Variants in ARSF observed in about 807,000 individuals in gnomAD.
ARSF encodes the protein arylsulfatase F.
A neutral mutation model predicts 35.4 loss-of-function variants in ARSF; 33 were observed. The ratio of observed to expected loss-of-function variants is 0.93; its 90% CI spans 0.71 to 1.25. The LOEUF (loss-of-function observed/expected upper bound fraction) is 1.25. Among genes scored for constraint, ARSF ranks in the 50% most tolerant of loss-of-function variants. The pLI, the probability that ARSF is intolerant of heterozygous loss-of-function variation, is 0.00. For missense variants in ARSF, 501 were observed against 480.2 expected (o/e 1.04, Z -0.40); for synonymous variants, 222 against 193.1 (o/e 1.15, Z -1.24).
At position 3,088,444 on chromosome X, in the gene ARSF, G is replaced by C. The variant is rs1268067835; in HGVS notation, c.831-1052G>C. 8.1e-5 allele frequency among the ~76,000 whole-genome samples: 9 copies of C among 111,767 alleles called. No individual in the cohort carries two copies. In the Admixed American group the frequency reaches 8.6e-4, roughly 11 times the overall value. Reference sequence around the variant, plus strand: ...TGTGATGGTGTCACAGGACTACCAGGTTCATATGCCTGCTGCACAGTAACA... The same window carrying C: ...TGTGATGGTGTCACAGGACTACCAGCTTCATATGCCTGCTGCACAGTAACA... On this transcript the variant is annotated intron_variant, in intron 6 of 10. Coordinates refer to ENST00000381127, the MANE Select transcript of ARSF (RefSeq NM_001201539.2).
At chrX:3,065,700 ATCT>A (rs2090062648) in intron 1 of ARSF, among the ~76,000 whole-genome samples, 1 of 110,033 alleles carries the variant, frequency 9.1e-6, no homozygotes, top group Non-Finnish European at 1.9e-5. Flanking sequence ...ATAAGTTCAC[ATCT>A]TCTTAACATA....
intron 1 of ARSF, 52 bp from the exon 2 acceptor site, chrX:3,068,021 T>A: frequency 2.8e-5 from 3 of 106,904 alleles, no homozygotes; most frequent in Non-Finnish European, 4.6e-5. Flanking sequence ...TGAATGATAC[T>A]TTTTTTTTTT....
At chrX:3,081,480 G>A (rs184821740) in intron 5 of ARSF, among the ~76,000 whole-genome samples, 167 of 110,701 alleles carry the variant, frequency 1.5e-3, no homozygotes, top group African/African-American at 4.7e-3. Context: ...GGGACTACAG[G>A]CGCGTGCCAC....
At chrX:3,088,554 T>A (rs1204551113) in intron 6 of ARSF, among the ~76,000 whole-genome samples, 1 of 74,124 alleles carries the variant, frequency 1.3e-5, no homozygotes, top group Non-Finnish European at 2.4e-5. Context: ...AGAGGAGACC[T>A]CAAATCCATC....
chrX:3,109,189 C>T (rs1252895145), intron 9 of ARSF, among the ~76,000 whole-genome samples: 1 of 110,685 alleles, frequency 9.0e-6, no homozygotes, highest in Non-Finnish European at 1.9e-5. Context: ...TGTGGCGGCA[C>T]ATGCTTGTAA....
At chrX:3,098,765 T>C (rs187822952) in intron 7 of ARSF, among the ~76,000 whole-genome samples, 51 of 111,676 alleles carry the variant, frequency 4.6e-4, no homozygotes, top group Non-Finnish European at 8.3e-4. Context: ...AACAATTTTT[T>C]TTAAATAGTC....
chrX:3,080,418 G>C (rs778052222), intron 4 of ARSF, among the ~76,000 whole-genome samples: 1 of 108,338 alleles, frequency 9.2e-6, no homozygotes, highest in African/African-American at 3.4e-5. Context: ...AGGTTGCAGT[G>C]AGCTGAGATG....
chrX:3,055,342 C>CAAAAAAAAAAAAAAAAA (rs770014108), intron 1 of ARSF, among the ~76,000 whole-genome samples: 11 of 32,436 alleles, frequency 3.4e-4, no homozygotes, highest in Non-Finnish European at 5.2e-4. Context: ...AACTCCATTT[C>CAAAAAAAAAAAAAAAAA]AAAAAAAAAA....
chrX:3,042,618 TC>T (rs1366411483), intron 1 of ARSF, among the ~76,000 whole-genome samples: 1 of 109,842 alleles, frequency 9.1e-6, no homozygotes, highest in African/African-American at 3.3e-5. Context: ...TGCCTCAGCC[TC>T]CCTTGTAGCT....
At chrX:3,095,608 T>C (rs964666856) in intron 7 of ARSF, among the ~76,000 whole-genome samples, 2 of 109,955 alleles carry the variant, frequency 1.8e-5, no homozygotes, top group African/African-American at 6.5e-5. Context: ...ACATTTAATG[T>C]TAAGTTTGTA....
chrX:3,087,926 G>A (rs937760574), intron 6 of ARSF, among the ~76,000 whole-genome samples: 7 of 112,187 alleles, frequency 6.2e-5, no homozygotes. Context: ...TCAAGTGAAC[G>A]TGAATTTTGA....
At chrX:3,065,945 A>T (rs2090064088) in intron 1 of ARSF, among the ~76,000 whole-genome samples, 2 of 110,809 alleles carry the variant, frequency 1.8e-5, no homozygotes, top group South Asian at 7.8e-4. Context: ...TACAAAAATT[A>T]TCCATGGACT....
At chrX:3,093,034 C>T (rs183633108) in intron 7 of ARSF, among the ~76,000 whole-genome samples, 2,681 of 107,328 alleles carry the variant, frequency 0.025, 28 homozygotes, top group African/African-American at 0.049. Context: ...TCCGTGGTGG[C>T]GGGCGTCTGT....
Position 3,063,560 on chromosome X carries a change from C to T in ARSF, c.-28-4513C>T, listed in dbSNP as rs184501069. On this transcript the variant is annotated intron_variant, in intron 1 of 10. Coordinates refer to ENST00000381127, the MANE Select transcript of ARSF (RefSeq NM_001201539.2). ...TGATTGTATATTTAGAAAACCCCAT[C>T]GTCTCAGCCCAAAATCTCCTTAAGC... is the stretch of plus-strand genomic sequence containing the variant. Among the ~76,000 whole-genome samples, 939 of 111,597 alleles carry T rather than the reference C, an allele frequency of 8.4e-3. 6 individuals are homozygous for T. The highest frequency in any genetic ancestry group is 0.012 in the Non-Finnish European group (645 of 53,116).
At chrX:3,091,511 A>G (rs989837549) in intron 7 of ARSF, among the ~76,000 whole-genome samples, 2 of 113,000 alleles carry the variant, frequency 1.8e-5, no homozygotes, top group East Asian at 5.5e-4. Context: ...TTAAAGTATA[A>G]TATTTTCCAG....
chrX:3,061,021 T>C (rs2090039498), intron 1 of ARSF, among the ~76,000 whole-genome samples: 1 of 110,922 alleles, frequency 9.0e-6, no homozygotes, highest in African/African-American at 3.3e-5. Flanking sequence ...AAAGTTGAAA[T>C]GAAGGAAAAA....
intron 4 of ARSF, among the ~76,000 whole-genome samples, chrX:3,079,734 C>G (rs1239845973): frequency 1.8e-5 from 2 of 108,176 alleles, no homozygotes; most frequent in African/African-American, 6.7e-5. Context: ...CTGAGGAGGG[C>G]AGATCAGTTG....
chrX:3,074,741 C>G (rs2090133833), intron 3 of ARSF, among the ~76,000 whole-genome samples: 1 of 111,244 alleles, frequency 9.0e-6, no homozygotes, highest in African/African-American at 3.3e-5. Flanking sequence ...ATAGTCACCA[C>G]AATCTGCAAC....
chrX:3,110,435 G>T, intron 10 of ARSF, among the ~76,000 whole-genome samples, 183 bp downstream of exon 10: 1 of 112,196 alleles, frequency 8.9e-6, no homozygotes, highest in East Asian at 2.8e-4. Context: ...GGGTAATGGA[G>T]ATGCTAATTG....
Sources: allele counts gnomAD v4.1 joint callset (sites outside exome capture counted in the v4.1 genomes callset), GRCh38; gene constraint gnomAD v4.1.1; transcripts MANE v1.5; gene names NCBI Gene and HGNC (gene_info 2026-07-23, HGNC 2026-07-21).